The following PCDH15 variants were observed in gnomAD, a reference collection of about 807,000 sequenced individuals.
PCDH15 encodes protocadherin-15.
A neutral mutation model predicts 178.5 loss-of-function variants in PCDH15; 129 were observed. The ratio of observed to expected loss-of-function variants is 0.72; its 90% CI spans 0.63 to 0.84. The LOEUF (loss-of-function observed/expected upper bound fraction) is 0.84. Ranked by LOEUF, PCDH15 falls within the 40% of genes least tolerant of loss-of-function variation. The pLI, the probability that PCDH15 is intolerant of heterozygous loss-of-function variation, is 0.00. For missense variants in PCDH15, 2,230 were observed against 2,099.9 expected, an observed-to-expected ratio of 1.06 and a Z score of -1.21; for synonymous variants, 800 against 732.0, an observed-to-expected ratio of 1.09 and a Z score of -1.50.
Position 54,051,419 on chromosome 10 carries a change from T to C in PCDH15, c.2220+15338A>G, listed in dbSNP as rs187398449. 1.1e-3 allele frequency among the ~76,000 whole-genome samples: 174 copies of C among 152,238 alleles called. 3 individuals are homozygous for C. Among genetic ancestry groups the C allele is most frequent in the Middle Eastern group, 3.4e-3 (1 of 294 alleles). On this transcript the variant is annotated intron_variant, in intron 18 of 37. Coordinates refer to ENST00000644397, the MANE Select transcript of PCDH15 (RefSeq NM_001384140.1). ...AAAATGCTGGTAGTGATTTGTACAA[T>C]GAAGTCCAGCTGATGTGGTCTCAGC...
intron 9 of PCDH15, among the ~76,000 whole-genome samples, chr10:54,220,107 T>C (rs1307558344): frequency 6.6e-6 from 1 of 152,210 alleles, no homozygotes; most frequent in East Asian, 1.9e-4. Context: ...CAGCATAGAA[T>C]GGAGCAGGGC....
intron 2 of PCDH15, among the ~76,000 whole-genome samples, chr10:55,369,080 C>T (rs78194590): frequency 0.012 from 1,842 of 149,100 alleles, 31 homozygotes; most frequent in African/African-American, 0.043. Context: ...AGGTCAATTC[C>T]TTTTCTTATC....
intron 2 of PCDH15, among the ~76,000 whole-genome samples, chr10:54,558,486 A>G (rs1036025850): frequency 6.6e-6 from 1 of 152,032 alleles, no homozygotes; most frequent in African/African-American, 2.4e-5. Flanking sequence ...AGTTAATTCC[A>G]TACCTTAAAT....
At chr10:54,368,877 A>G (rs1383372459) in intron 5 of PCDH15, among the ~76,000 whole-genome samples, 1 of 152,018 alleles carries the variant, frequency 6.6e-6, no homozygotes, top group Non-Finnish European at 1.5e-5. Flanking sequence ...ATAAATTTTC[A>G]AAGATGATGA....
intron 1 of PCDH15, among the ~76,000 whole-genome samples, chr10:54,689,720 T>A (rs539361406): frequency 6.6e-6 from 1 of 152,328 alleles, no homozygotes; most frequent in South Asian, 2.1e-4. Flanking sequence ...CAGAAGGCAG[T>A]GAAGACATGA....
At chr10:54,580,634 T>A (rs1004827181) in intron 2 of PCDH15, among the ~76,000 whole-genome samples, 12 of 151,750 alleles carry the variant, frequency 7.9e-5, no homozygotes, top group African/African-American at 1.2e-4. Flanking sequence ...ACCTGGCAGA[T>A]AAACAATGAA....
At chr10:53,825,026 C>G (rs137947453) in intron 32 of PCDH15, 14 of 1,286,966 alleles carry the variant, frequency 1.1e-5, no homozygotes, top group Non-Finnish European at 1.4e-5. Context: ...GTAAGTGAGT[C>G]TGTGGCAAAA....
intron 32 of PCDH15, among the ~76,000 whole-genome samples, 165 bp from the exon 33 acceptor site, chr10:53,820,395 A>AAATT (rs1225379552): frequency 6.6e-6 from 1 of 150,878 alleles, no homozygotes; most frequent in Non-Finnish European, 1.5e-5. Flanking sequence ...ATGCCAGGTC[A>AAATT]AATTATTGAA....
At chr10:54,764,806 G>C (rs143232359) in intron 1 of PCDH15, among the ~76,000 whole-genome samples, 1 of 152,060 alleles carries the variant, frequency 6.6e-6, no homozygotes, top group East Asian at 1.9e-4. Context: ...AGTGAGAAAG[G>C]GCAATGCGTA....
At chr10:54,980,014 C>G (rs769896470) in intron 2 of PCDH15, among the ~76,000 whole-genome samples, 1 of 152,078 alleles carries the variant, frequency 6.6e-6, no homozygotes, top group Non-Finnish European at 1.5e-5. Context: ...TTGTGAACAT[C>G]TGCAATTGCT....
chr10:55,018,087 T>C (rs886149684), intron 2 of PCDH15, among the ~76,000 whole-genome samples: 4 of 152,122 alleles, frequency 2.6e-5, no homozygotes, highest in Admixed American at 2.6e-4. Context: ...CAAATAAACT[T>C]GAGGTAAGAA....
chr10:54,692,939 T>C (rs780092741), intron 1 of PCDH15, among the ~76,000 whole-genome samples: 5 of 152,090 alleles, frequency 3.3e-5, no homozygotes, highest in Non-Finnish European at 7.4e-5. Context: ...CAAAACAGGA[T>C]ACAGGTGCAG....
chr10:55,182,601 T>A (rs1665676050), intron 1 of PCDH15, among the ~76,000 whole-genome samples: 1 of 151,966 alleles, frequency 6.6e-6, no homozygotes, highest in Non-Finnish European at 1.5e-5. Flanking sequence ...AATTGGTATA[T>A]GCAAATTACC....
intron 3 of PCDH15, among the ~76,000 whole-genome samples, chr10:54,421,870 C>CACTA (rs1554963695): frequency 5.1e-4 from 33 of 64,610 alleles, no homozygotes; most frequent in Middle Eastern, 8.8e-3. Context: ...TATACACACA[C>CACTA]TATATATATA....
intron 1 of PCDH15, among the ~76,000 whole-genome samples, chr10:54,704,651 G>C (rs747786559): frequency 6.6e-6 from 1 of 152,016 alleles, no homozygotes; most frequent in Admixed American, 6.6e-5. Flanking sequence ...CAATCAGAAT[G>C]GTTATTATTA....
chr10:54,345,443 T>C (rs1943079750), intron 6 of PCDH15, among the ~76,000 whole-genome samples: 1 of 152,126 alleles, frequency 6.6e-6, no homozygotes. Flanking sequence ...ATTTAAGTAG[T>C]GCATTTATAA....
At chr10:55,422,942 T>C (rs2132047613) in intron 2 of PCDH15, among the ~76,000 whole-genome samples, 1 of 152,032 alleles carries the variant, frequency 6.6e-6, no homozygotes, top group African/African-American at 2.4e-5. Context: ...ATATTGCTGA[T>C]ACACTTGTCA....
At chr10:53,813,032 T>A (rs1006092901) in intron 35 of PCDH15, among the ~76,000 whole-genome samples, 1 of 152,174 alleles carries the variant, frequency 6.6e-6, no homozygotes, top group Non-Finnish European at 1.5e-5. Context: ...TTGAATTCAT[T>A]ACTAACAGTG....
rs1842205268 is a variant in PCDH15, at chr10:55,561,752, A to G, written c.-156+65873T>C. 2.0e-5 allele frequency among the ~76,000 whole-genome samples: 3 copies of G among 151,918 alleles called. No homozygotes were observed. The South Asian group carries it at 6.2e-4, about 31-fold the overall frequency. On this transcript the variant is annotated intron_variant, in intron 2 of 5. Transcript: ENST00000613346. ...AGCAGCCTGTTTTTCCAAGAGGCCAATAACTGACACTTTTCAAATTTCTTG... is the reference window on the plus strand; with the variant it reads ...AGCAGCCTGTTTTTCCAAGAGGCCAGTAACTGACACTTTTCAAATTTCTTG...
Sources: allele counts gnomAD v4.1 joint callset (sites outside exome capture counted in the v4.1 genomes callset), GRCh38; gene constraint gnomAD v4.1.1; transcripts MANE v1.5; gene names NCBI Gene and HGNC (gene_info 2026-07-23, HGNC 2026-07-21).